The following POU2F3 variants were observed in gnomAD, a reference collection of about 807,000 sequenced individuals.
POU2F3 encodes POU class 2 homeobox 3.
Under a neutral mutation model 59.2 loss-of-function variants are expected in POU2F3, and 23 were observed. That is an observed-to-expected ratio of 0.39 (90% CI 0.28 to 0.55). POU2F3 has a LOEUF of 0.55. POU2F3 is among the 20% of genes least tolerant of loss of function. The pLI is 0.66. For synonymous variants in POU2F3, 190 were observed against 214.6 expected, an observed-to-expected ratio of 0.89 and a Z score of 1.00; for missense variants, 473 against 544.5, an observed-to-expected ratio of 0.87 and a Z score of 1.31.
chr11:120,304,979 A>AAAAT, intron 6 of POU2F3, 51 bp from the exon 7 acceptor site: 1 of 1,076,504 alleles, frequency 9.3e-7, no homozygotes, highest in Non-Finnish European at 1.3e-6. Flanking sequence ...AAATCAGAAA[A>AAAAT]TGTTATTTAT....
intron 9 of POU2F3, 114 bp from the exon 10 acceptor site, chr11:120,309,311 T>C (rs1157833509): frequency 9.0e-7 from 1 of 1,114,900 alleles, no homozygotes; most frequent in Admixed American, 2.3e-5. Flanking sequence ...TCATCCTAGG[T>C]CTGACTCTAA....
chr11:120,276,339 C>T (rs564749934), intron 3 of POU2F3, among the ~76,000 whole-genome samples: 1 of 152,208 alleles, frequency 6.6e-6, no homozygotes, highest in Non-Finnish European at 1.5e-5. Flanking sequence ...TAGGGTCTGC[C>T]GCAGAGAGGG....
At chr11:120,276,687 C>T (rs1193647150) in intron 3 of POU2F3, among the ~76,000 whole-genome samples, 2 of 152,182 alleles carry the variant, frequency 1.3e-5, no homozygotes, top group Non-Finnish European at 1.5e-5. Flanking sequence ...TAACCTCTCT[C>T]TCCCCTCCAA....
At chr11:120,271,425 A>G (rs1940068132) in intron 3 of POU2F3, among the ~76,000 whole-genome samples, 2 of 152,232 alleles carry the variant, frequency 1.3e-5, no homozygotes, top group African/African-American at 4.8e-5. Flanking sequence ...GGATTCTCTG[A>G]TCCTGATCCT....
chr11:120,240,741 A>C (rs1394220489), intron 1 of POU2F3, among the ~76,000 whole-genome samples: 1 of 152,078 alleles, frequency 6.6e-6, no homozygotes, highest in Non-Finnish European at 1.5e-5. Context: ...GGAGTGCATA[A>C]GTGAGGGAAA....
chr11:120,314,645 AGACCTGTT>A (rs1475942850), intron 10 of POU2F3, among the ~76,000 whole-genome samples: 13 of 152,346 alleles, frequency 8.5e-5, no homozygotes, highest in African/African-American at 3.1e-4. Flanking sequence ...TCTTACTCCC[AGACCTGTT>A]GGGCTCCAAA....
At position 120,287,520 on chromosome 11, in the gene POU2F3, G is replaced by A. The variant is rs536868304; in HGVS notation, c.133-10745G>A. On this transcript the variant is annotated intron_variant, in intron 3 of 12. Coordinates refer to ENST00000543440, the MANE Select transcript of POU2F3 (RefSeq NM_014352.4). ...CATTCAGCCCTAACCCTTGAGACCT[G>A]GGGATGTATCAGAGATTATTTCCCT... Among the ~76,000 whole-genome samples, 6 of 152,184 alleles carry A rather than the reference G, an allele frequency of 3.9e-5. No individual in the cohort carries two copies. The South Asian group carries it at 1.2e-3, about 32-fold the overall frequency.
intron 9 of POU2F3, among the ~76,000 whole-genome samples, chr11:120,308,151 G>C (rs1409102241): frequency 1.3e-5 from 2 of 152,150 alleles, no homozygotes; most frequent in South Asian, 4.2e-4. Flanking sequence ...TTGTGATCGT[G>C]TTATACACCT....
intron 2 of POU2F3, among the ~76,000 whole-genome samples, chr11:120,268,263 C>T (rs1939920893): frequency 6.6e-6 from 1 of 151,980 alleles, no homozygotes; most frequent in Non-Finnish European, 1.5e-5. Context: ...TTATGACGTC[C>T]TCTCGGTAGG....
Position 120,318,444 on chromosome 11 carries a change from A to G in POU2F3, c.*52A>G. Reference sequence around the variant, plus strand: ...TGGCCCTGTATTCCCCCTGGAAGGAAGGGAATCATGCCTTCTATATACAGA... The same window carrying G: ...TGGCCCTGTATTCCCCCTGGAAGGAGGGGAATCATGCCTTCTATATACAGA... On this transcript the variant is annotated 3_prime_UTR_variant, in exon 13 of 13. Transcript: ENST00000543440. 6.6e-7 allele frequency: 1 copy of G among 1,508,728 alleles called. No homozygotes were observed. The highest frequency in any genetic ancestry group is 9.2e-7 in the Non-Finnish European group (1 of 1,084,326). The allele number at this position is 1,508,728 out of a possible 1,614,324, so 93.5% of individuals were successfully genotyped here.
chr11:120,315,492 T>C, intron 11 of POU2F3, 65 bp downstream of exon 11: 3 of 1,470,952 alleles, frequency 2.0e-6, no homozygotes, highest in Non-Finnish European at 2.9e-6. Context: ...ATATTAGAAC[T>C]GAAAGGTATC....
intron 5 of POU2F3, chr11:120,301,087 T>G: frequency 2.2e-6 from 1 of 456,258 alleles, no homozygotes. Context: ...TATAACCACC[T>G]AGGTCAGTGT....
chr11:120,313,643 C>T (rs1000906865), intron 10 of POU2F3, among the ~76,000 whole-genome samples: 2 of 152,204 alleles, frequency 1.3e-5, no homozygotes, highest in African/African-American at 4.8e-5. Context: ...ACGTATATGT[C>T]TGTTCGCATA....
chr11:120,310,963 G>A (rs1210321831), intron 10 of POU2F3, among the ~76,000 whole-genome samples: 2 of 152,202 alleles, frequency 1.3e-5, no homozygotes, highest in South Asian at 2.1e-4. Context: ...CTGGTGATTA[G>A]GACAGGCTTC....
At chr11:120,254,007 C>T (rs1250745135) in intron 2 of POU2F3, 1 of 152,236 alleles carries the variant, frequency 6.6e-6, no homozygotes. Flanking sequence ...TGAGCAGCAT[C>T]CAGAGACTCA....
chr11:120,268,928 A>G (rs1295033335), intron 2 of POU2F3, among the ~76,000 whole-genome samples: 1 of 152,118 alleles, frequency 6.6e-6, no homozygotes, highest in Non-Finnish European at 1.5e-5. Context: ...TCCAGTTGGC[A>G]TGGCCAGCTG....
chr11:120,244,722 C>A (rs1938800380), intron 1 of POU2F3, among the ~76,000 whole-genome samples: 1 of 152,186 alleles, frequency 6.6e-6, no homozygotes, highest in African/African-American at 2.4e-5. Context: ...CTGCGTTAGG[C>A]AATGCCCAGC....
chr11:120,283,381 G>A (rs1245932530), intron 3 of POU2F3, among the ~76,000 whole-genome samples: 1 of 152,184 alleles, frequency 6.6e-6, no homozygotes, highest in East Asian at 1.9e-4. Context: ...TGGGGTTTGT[G>A]ACTTTGTCCA....
chr11:120,246,100 G>A (rs1435513788), intron 1 of POU2F3, among the ~76,000 whole-genome samples: 4 of 152,156 alleles, frequency 2.6e-5, no homozygotes, highest in Admixed American at 1.3e-4. Context: ...CAAAGGAAAC[G>A]AGTGTTGGAA....
Sources: gnomAD v4.1 joint callset for allele counts (sites outside exome capture counted in the v4.1 genomes callset) on GRCh38, gnomAD v4.1.1 for gene constraint, MANE v1.5 for transcripts, NCBI Gene and HGNC (gene_info 2026-07-23, HGNC 2026-07-21) for gene names.